The following NPLOC4 variants were observed in gnomAD, a reference collection of about 807,000 sequenced individuals.
NPLOC4 encodes the protein nuclear protein localization protein 4 homolog.
A neutral mutation model predicts 80.6 loss-of-function variants in NPLOC4; 18 were observed. The ratio of observed to expected loss-of-function variants is 0.22; its 90% CI spans 0.15 to 0.33. The LOEUF is 0.33. Among genes scored for constraint, NPLOC4 ranks in the 10% least tolerant of loss-of-function variants. The pLI is 1.00. For synonymous variants in NPLOC4, 313 were observed against 301.5 expected (o/e 1.04, Z -0.39); for missense variants, 540 against 786.1 (o/e 0.69, Z 3.74).
intron 1 of NPLOC4, among the ~76,000 whole-genome samples, chr17:81,632,625 C>G (rs1235441424): frequency 6.6e-6 from 1 of 152,042 alleles, no homozygotes; most frequent in Non-Finnish European, 1.5e-5. Flanking sequence ...CCCTTATTTC[C>G]TTTTTCATAA....
intron 2 of NPLOC4, among the ~76,000 whole-genome samples, chr17:81,628,302 C>T (rs2035851419): frequency 6.6e-6 from 1 of 151,698 alleles, no homozygotes. Flanking sequence ...ATCACGAGGT[C>T]GGGAGTTCAA....
At chr17:81,566,047 A>G (rs2034002774) in intron 15 of NPLOC4, among the ~76,000 whole-genome samples, 1 of 152,224 alleles carries the variant, frequency 6.6e-6, no homozygotes, top group African/African-American at 2.4e-5. Context: ...GGATTAATGC[A>G]TTAAGGATGG....
intron 16 of NPLOC4, chr17:81,561,946 C>CTGA (rs2033863813): frequency 6.6e-6 from 1 of 152,208 alleles, no homozygotes; most frequent in Non-Finnish European, 1.5e-5. Flanking sequence ...CCATCCTGAG[C>CTGA]TGATCTTTGT....
intron 16 of NPLOC4, among the ~76,000 whole-genome samples, chr17:81,560,137 G>T (rs1179170557): frequency 6.6e-6 from 1 of 151,998 alleles, no homozygotes; most frequent in Non-Finnish European, 1.5e-5. Flanking sequence ...AAAGAGTGAG[G>T]CTGGGTGCAG....
intron 11 of NPLOC4, among the ~76,000 whole-genome samples, chr17:81,591,910 T>C (rs1246495968): frequency 6.6e-6 from 1 of 152,106 alleles, no homozygotes; most frequent in Admixed American, 6.6e-5. Flanking sequence ...AAATGTAGAG[T>C]ATGCTAGACT....
At chr17:81,631,461 T>A in intron 1 of NPLOC4, among the ~76,000 whole-genome samples, 1 of 45,768 alleles carries the variant, frequency 2.2e-5, no homozygotes, top group Admixed American at 3.2e-4. Flanking sequence ...TTTTTTTTTT[T>A]TCCCCCACGG....
intron 7 of NPLOC4, among the ~76,000 whole-genome samples, chr17:81,605,630 G>A (rs542111945): frequency 9.9e-4 from 149 of 151,028 alleles, no homozygotes; most frequent in Non-Finnish European, 1.8e-3. Flanking sequence ...CCTGGGCTAC[G>A]GAGTGAGACT....
Position 81,610,216 on chromosome 17 carries a change from A to G in NPLOC4, c.429T>C (p.Pro143=). 6.4e-7 allele frequency: 1 copy of G among 1,573,640 alleles called. No individual in the cohort carries two copies. The highest frequency in any genetic ancestry group is 8.6e-7 in the Non-Finnish European group (1 of 1,160,086). The change falls in exon 5 of 17, where the codon CCT becomes CCC. Residue 143 remains proline (P), a synonymous_variant. Transcript: ENST00000331134. The part of the protein sequence containing the change: ...GPLGKCVHCV[P]LEPFDEDYLN... ...ACTCCGCAGAGACTCTCACCTCTAG[A>G]GGGACGCAGTGCACGCATTTCCCCA...
chr17:81,606,626 GC>G, intron 7 of NPLOC4, 64 bp downstream of exon 7: 1 of 1,556,760 alleles, frequency 6.4e-7, no homozygotes, highest in Non-Finnish European at 8.8e-7. Flanking sequence ...ACTCCAAGGG[GC>G]TCTTCTGGAA....
intron 12 of NPLOC4, among the ~76,000 whole-genome samples, chr17:81,582,722 G>A (rs1042655048): frequency 1.3e-5 from 2 of 152,204 alleles, no homozygotes; most frequent in Admixed American, 6.5e-5. Flanking sequence ...TCTTTTTAAA[G>A]GAAAAGACAG....
chr17:81,559,101 T>TGA lies in NPLOC4; in HGVS notation c.*156_*157dup. ...GCCCGCTCTCCAGGGAGGAACGTGC[T>TGA]GAGAAGCTTCAGTGGGTCAGGGAGC... On this transcript the variant is annotated 3_prime_UTR_variant, in exon 17 of 17. Transcript: ENST00000331134. 1.3e-6 allele frequency: 1 copy of TGA among 784,976 alleles called. No homozygotes were observed. Among genetic ancestry groups the TGA allele is most frequent in the Non-Finnish European group, 2.0e-6 (1 of 508,788 alleles). The allele number at this position is 784,976 out of a possible 1,614,324, so 48.6% of individuals were successfully genotyped here. A position where few individuals can be genotyped will look rare whatever the true frequency, so the allele number is the denominator to read the frequency against.
chr17:81,634,589 CTT>C lies in NPLOC4; in HGVS notation c.15+2325_15+2326del, dbSNP rs34386430. 4.3e-3 allele frequency among the ~76,000 whole-genome samples: 603 copies of C among 141,802 alleles called. 5 individuals carry two copies. The highest frequency in any genetic ancestry group is 0.013 in the African/African-American group (512 of 38,346). The allele number at this position is 141,802 out of a possible 152,430, so 93.0% of individuals were successfully genotyped here. On this transcript the variant is annotated intron_variant, in intron 1 of 16. Coordinates refer to ENST00000331134, the MANE Select transcript of NPLOC4 (RefSeq NM_017921.4). ...TAGGCAAAGTCACCAATGATTAACA[CTT>C]TTTTTTTTTTTTTTGAGACAGTCTT...
intron 11 of NPLOC4, among the ~76,000 whole-genome samples, chr17:81,592,491 GTTAT>G (rs1208314045): frequency 1.3e-5 from 2 of 152,064 alleles, no homozygotes; most frequent in African/African-American, 2.4e-5. Flanking sequence ...TATAAATTAG[GTTAT>G]TTATTATCTC....
At chr17:81,598,019 CG>C (rs1465220868) in intron 9 of NPLOC4, among the ~76,000 whole-genome samples, 14 of 148,428 alleles carry the variant, frequency 9.4e-5, no homozygotes, top group Non-Finnish European at 1.5e-4. Context: ...GGTGTGAACC[CG>C]GGAGGTGAAG....
intron 9 of NPLOC4, among the ~76,000 whole-genome samples, chr17:81,597,653 CAT>C (rs2034949783): frequency 6.6e-6 from 1 of 151,884 alleles, no homozygotes; most frequent in Non-Finnish European, 1.5e-5. Flanking sequence ...GGTGGTGGCG[CAT>C]GCCTGTAATC....
chr17:81,616,233 A>C (rs1036833897), intron 3 of NPLOC4, among the ~76,000 whole-genome samples: 12 of 150,400 alleles, frequency 8.0e-5, no homozygotes, highest in African/African-American at 2.4e-4. Context: ...AGACAGGAGA[A>C]TGGCATGAAC....
At position 81,604,549 on chromosome 17, in the gene NPLOC4, T is replaced by C; in HGVS notation, c.833A>G (p.Gln278Arg). The C allele has an allele frequency of 6.2e-7, 1 of 1,611,672 alleles. No individual in the cohort carries two copies. The highest frequency in any genetic ancestry group is 8.5e-7 in the Non-Finnish European group (1 of 1,179,046). The change falls in exon 8 of 17, where the codon CAG (glutamine) becomes CGG (arginine). Residue 278 changes from glutamine to arginine, a missense_variant and splice_region_variant. Coordinates refer to ENST00000331134, the MANE Select transcript of NPLOC4 (RefSeq NM_017921.4). ...GAACTTGAATCCCGTCATGTTTACCTGAGGTGGCTCATAAATCGCAGCCAC... is the reference window on the plus strand; with the variant it reads ...GAACTTGAATCCCGTCATGTTTACCCGAGGTGGCTCATAAATCGCAGCCAC... ...AEVAAIYEPPQIGTQNSLELL... is the reference protein window; with the variant it reads ...AEVAAIYEPPRIGTQNSLELL...
Position 81,583,025 on chromosome 17 carries a change from C to T in NPLOC4, c.1281+5919G>A, listed in dbSNP as rs756597028. On this transcript the variant is annotated intron_variant, in intron 12 of 16. Transcript: ENST00000331134. ...ACAACTGAGCGCCCATGTGCGCCAG[C>T]ACAGCAGCCACTGCCACGTGACGCA... 7.2e-4 allele frequency among the ~76,000 whole-genome samples: 110 copies of T among 152,250 alleles called. 1 individual carries two copies. Among genetic ancestry groups the T allele is most frequent in the Non-Finnish European group, 1.3e-3 (88 of 68,050 alleles).
At chr17:81,584,005 G>A (rs544998038) in intron 12 of NPLOC4, among the ~76,000 whole-genome samples, 1 of 152,238 alleles carries the variant, frequency 6.6e-6, no homozygotes, top group South Asian at 2.1e-4. Flanking sequence ...TGCTATCCCA[G>A]AGTCCAGCTG....
Sources: allele counts gnomAD v4.1 joint callset (sites outside exome capture counted in the v4.1 genomes callset), GRCh38; gene constraint gnomAD v4.1.1; transcripts MANE v1.5; gene names NCBI Gene and HGNC (gene_info 2026-07-23, HGNC 2026-07-21).